Variants in DSTN observed in about 807,000 individuals in gnomAD.
DSTN encodes destrin.
In DSTN, 10 loss-of-function variants were observed where a neutral mutation model predicts 16.8. The observed-to-expected ratio is 0.60, with a 90% CI of 0.37 to 1.01. The LOEUF (loss-of-function observed/expected upper bound fraction) is 1.01. Among genes scored for constraint, DSTN ranks in the 50% least tolerant of loss-of-function variants. DSTN has a pLI of 0.01. For synonymous variants in DSTN, 57 were observed against 58.9 expected (o/e 0.97, Z 0.14); for missense variants, 141 against 196.7 (o/e 0.72, Z 1.69).
At chr20:17,573,138 C>T (rs2035226412) in intron 1 of DSTN, among the ~76,000 whole-genome samples, 1 of 152,196 alleles carries the variant, frequency 6.6e-6, no homozygotes, top group African/African-American at 2.4e-5. Context: ...TCTGAGAACA[C>T]AGAGCTCAGG....
chr20:17,581,845 TTA>T (rs945542538), intron 1 of DSTN, among the ~76,000 whole-genome samples: 2 of 152,296 alleles, frequency 1.3e-5, no homozygotes, highest in African/African-American at 4.8e-5. Context: ...TCATAGTTGA[TTA>T]TATAAAAGTA....
chr20:17,579,941 C>G (rs2035324864), intron 1 of DSTN, among the ~76,000 whole-genome samples: 3 of 152,200 alleles, frequency 2.0e-5, no homozygotes, highest in African/African-American at 7.2e-5. Flanking sequence ...TCTGTTATCT[C>G]TACCCAACTG....
At chr20:17,576,304 G>A (rs969501281) in intron 1 of DSTN, 2 of 153,172 alleles carry the variant, frequency 1.3e-5, no homozygotes, top group African/African-American at 4.8e-5. Flanking sequence ...TAGCAGGGGA[G>A]CGCAGCTGCT....
intron 3 of DSTN, among the ~76,000 whole-genome samples, chr20:17,606,752 A>C (rs1257081281): frequency 6.6e-6 from 1 of 152,238 alleles, no homozygotes; most frequent in Non-Finnish European, 1.5e-5. Context: ...CCTGGCTTCT[A>C]ACAGCGTAAG....
intron 1 of DSTN, among the ~76,000 whole-genome samples, chr20:17,585,827 C>T (rs2035401437): frequency 6.6e-6 from 1 of 152,206 alleles, no homozygotes; most frequent in Non-Finnish European, 1.5e-5. Context: ...GTAAATGGAA[C>T]TGTACATTGA....
intron 1 of DSTN, chr20:17,576,103 A>G (rs890881195): frequency 6.6e-6 from 1 of 152,174 alleles, no homozygotes; most frequent in Non-Finnish European, 1.5e-5. Flanking sequence ...TCTCAGTAAT[A>G]CTTTGGGCCA....
chr20:17,604,907 G>A (rs2273616), intron 3 of DSTN, among the ~76,000 whole-genome samples: 72,677 of 152,004 alleles, frequency 0.48, 21,603 homozygotes, highest in Non-Finnish European at 0.65. Context: ...ACTAGTTTGA[G>A]GTGCTACCAG....
Position 17,607,210 on chromosome 20 carries a change from A to G in DSTN, c.*64A>G. 1 of 1,502,580 alleles carries G rather than the reference A, an allele frequency of 6.7e-7. No homozygotes were observed. Among genetic ancestry groups the G allele is most frequent in the African/African-American group, 1.4e-5 (1 of 71,892 alleles). The allele number at this position is 1,502,580 out of a possible 1,614,324, so 93.1% of individuals were successfully genotyped here. A position where few individuals can be genotyped will look rare whatever the true frequency, so the allele number is the denominator to read the frequency against. ...TGTTATCCTCTTGCTATATAAATAA[A>G]GCAAATATATTTAGGCCAGGGTCTC... On this transcript the variant is annotated 3_prime_UTR_variant, in exon 4 of 4. Coordinates refer to ENST00000246069, the MANE Select transcript of DSTN (RefSeq NM_006870.4).
intron 1 of DSTN, among the ~76,000 whole-genome samples, chr20:17,591,676 C>A (rs2035470895): frequency 6.6e-6 from 1 of 152,186 alleles, no homozygotes; most frequent in Admixed American, 6.5e-5. Context: ...TTAAAATCTG[C>A]AGGTGATTCC....
intron 1 of DSTN, among the ~76,000 whole-genome samples, chr20:17,570,550 A>T (rs1289925468): frequency 1.3e-5 from 2 of 151,902 alleles, no homozygotes; most frequent in East Asian, 3.9e-4. Context: ...TGTGAAATCC[A>T]TCCGGGGGTC....
At position 17,590,642 on chromosome 20, in the gene DSTN, G is replaced by A. The variant is rs867732388; in HGVS notation, c.4-10096G>A. Reference sequence around the variant, plus strand: ...CCTTCCCATTTGTGCAGCAAACTTGGTGCTATGTTCAGAGTATCCTTTAAT... The same window carrying A: ...CCTTCCCATTTGTGCAGCAAACTTGATGCTATGTTCAGAGTATCCTTTAAT... On this transcript the variant is annotated intron_variant, in intron 1 of 3. Transcript: ENST00000246069. Among the ~76,000 whole-genome samples, 6 of 152,300 alleles carry A rather than the reference G, an allele frequency of 3.9e-5. No homozygotes were observed. In the South Asian group the frequency reaches 1.2e-3, roughly 32 times the overall value.
At chr20:17,573,376 A>G (rs1243068596) in intron 1 of DSTN, among the ~76,000 whole-genome samples, 3 of 152,110 alleles carry the variant, frequency 2.0e-5, no homozygotes, top group Non-Finnish European at 4.4e-5. Context: ...TGGTTCTTCA[A>G]CTGCTGAATT....
At chr20:17,583,735 C>CCTT (rs754052495) in intron 1 of DSTN, among the ~76,000 whole-genome samples, 1 of 72,482 alleles carries the variant, frequency 1.4e-5, no homozygotes, top group African/African-American at 5.4e-5. Flanking sequence ...TTTGGAGTTT[C>CCTT]TTTTTTTTTT....
chr20:17,597,787 C>T (rs1461187124), intron 1 of DSTN, among the ~76,000 whole-genome samples: 1 of 152,192 alleles, frequency 6.6e-6, no homozygotes, highest in Non-Finnish European at 1.5e-5. Context: ...TCACTCCTGT[C>T]AACTTCCAGA....
Position 17,608,755 on chromosome 20 carries a change from A to G in DSTN, c.*1609A>G, listed in dbSNP as rs1485040621. The G allele has an allele frequency of 6.6e-6, 1 of 152,232 alleles. No homozygotes were observed. The highest frequency in any genetic ancestry group is 1.9e-4 in the East Asian group (1 of 5,198). The allele number at this position is 152,232 out of a possible 1,614,324, so 9.4% of individuals were successfully genotyped here. The stretch of plus-strand genomic sequence containing the variant: ...TTATAAATTCACATTTAAAATTTAG[A>G]AAATAGAGAAAAGGGAAATTATACA... On this transcript the variant is annotated 3_prime_UTR_variant, in exon 4 of 4. Transcript: ENST00000246069.
chr20:17,596,878 T>C (rs1240391318), intron 1 of DSTN: 1 of 862,136 alleles, frequency 1.2e-6, no homozygotes, highest in African/African-American at 1.8e-5. Context: ...TAGTACATCA[T>C]TGATTTAATT....
chr20:17,601,922 C>G (rs940445808), intron 2 of DSTN, among the ~76,000 whole-genome samples: 1 of 149,516 alleles, frequency 6.7e-6, no homozygotes, highest in African/African-American at 2.5e-5. Flanking sequence ...GAAATGGTAA[C>G]ACTACCTGAT....
At chr20:17,604,048 GAAGCA>G (rs1452543675) in intron 2 of DSTN, among the ~76,000 whole-genome samples, 1 of 152,028 alleles carries the variant, frequency 6.6e-6, no homozygotes, top group Non-Finnish European at 1.5e-5. Context: ...AAAACAATCT[GAAGCA>G]AAGGTGCCAA....
chr20:17,587,005 C>G (rs1179176732), intron 1 of DSTN, among the ~76,000 whole-genome samples: 2 of 151,986 alleles, frequency 1.3e-5, no homozygotes, highest in Non-Finnish European at 2.9e-5. Flanking sequence ...GAGAATAACA[C>G]AGCCAGTTTA....
Sources: gnomAD v4.1 joint callset for allele counts (sites outside exome capture counted in the v4.1 genomes callset) on GRCh38, gnomAD v4.1.1 for gene constraint, MANE v1.5 for transcripts, NCBI Gene and HGNC (gene_info 2026-07-23, HGNC 2026-07-21) for gene names.